The following TMEM44 variants were observed in gnomAD, a reference collection of about 807,000 sequenced individuals.
The protein encoded by TMEM44 is transmembrane protein 44.
In TMEM44, 43 loss-of-function variants were observed where a neutral mutation model predicts 47.8. The observed-to-expected ratio is 0.90, with a 90% CI of 0.70 to 1.16. The LOEUF is 1.16. Among genes scored for constraint, TMEM44 ranks in the 50% most tolerant of loss-of-function variants. The pLI, the probability that TMEM44 is intolerant of heterozygous loss-of-function variation, is 0.00. For missense variants in TMEM44, 568 were observed against 555.2 expected (o/e 1.02, Z -0.23); for synonymous variants, 277 against 238.8 (o/e 1.16, Z -1.48).
chr3:194,594,946 C>T (rs1713225515), intron 9 of TMEM44, among the ~76,000 whole-genome samples: 1 of 152,046 alleles, frequency 6.6e-6, no homozygotes, highest in Non-Finnish European at 1.5e-5. Context: ...TGATAGTGTG[C>T]CTAAGGAGTA....
chr3:194,593,076 G>T, intron 9 of TMEM44: 1 of 1,613,424 alleles, frequency 6.2e-7, no homozygotes. Flanking sequence ...TACTTCTGCT[G>T]CAGAATAAAA....
intron 6 of TMEM44, chr3:194,616,384 T>C: frequency 2.9e-6 from 1 of 339,134 alleles, no homozygotes; most frequent in Non-Finnish European, 5.9e-6. Flanking sequence ...GTAGGGTCCT[T>C]GCTGATACAA....
At chr3:194,630,393 G>A (rs2614757) in intron 1 of TMEM44, among the ~76,000 whole-genome samples, 7 of 112,190 alleles carry the variant, frequency 6.2e-5, no homozygotes, top group Admixed American at 1.0e-4. Context: ...GGCTGTTTCC[G>A]TCGGCATCAC....
At chr3:194,610,872 T>C (rs1056027125) in intron 8 of TMEM44, 44 bp downstream of exon 8, 9 of 1,564,156 alleles carry the variant, frequency 5.8e-6, no homozygotes, top group Non-Finnish European at 7.9e-6. Flanking sequence ...CCATGACTGC[T>C]TCCCATCCTC....
chr3:194,599,153 C>T (rs1706016), intron 9 of TMEM44, among the ~76,000 whole-genome samples: 47,158 of 152,062 alleles, frequency 0.31, 8,962 homozygotes, highest in Non-Finnish European at 0.44. Context: ...AAGGCCCTGA[C>T]ATCAATCTTA....
At position 194,588,055 on chromosome 3, in the gene TMEM44, C is replaced by T. The variant is rs1414218003; in HGVS notation, c.*474G>A. 6.5e-6 allele frequency: 1 copy of T among 154,154 alleles called. No individual in the cohort carries two copies. The highest frequency in any genetic ancestry group is 2.4e-5 in the African/African-American group (1 of 41,486). 9.5% of individuals were successfully genotyped at this position (154,154 alleles called of 1,614,324 possible). A position where few individuals can be genotyped will look rare whatever the true frequency, so the allele number is the denominator to read the frequency against. ...GGGGGGTGGAAGCCAGGTCTCGGTT[C>T]CTGTGTGTGACCCAAGGCCCCCCAG... On this transcript the variant is annotated 3_prime_UTR_variant, in exon 10 of 10. Coordinates refer to ENST00000347147, the MANE Select transcript of TMEM44 (RefSeq NM_001011655.3).
In TMEM44 at chr3:194,621,129, C is replaced by T. The variant is rs533634975; in HGVS notation, c.612+2095G>A. Among the ~76,000 whole-genome samples, 72 of 151,940 alleles carry T rather than the reference C, an allele frequency of 4.7e-4. 2 individuals carry two copies. The South Asian group carries it at 8.5e-3, about 18-fold the overall frequency. ...GTGGATGATCACGTCAAGATGAGGT[C>T]ATTAGGATGAGTCCCATTCCAATGT... On this transcript the variant is annotated intron_variant, in intron 5 of 9. Transcript: ENST00000347147.
chr3:194,600,666 G>A (rs889241944), intron 9 of TMEM44, among the ~76,000 whole-genome samples: 4 of 152,042 alleles, frequency 2.6e-5, no homozygotes, highest in Non-Finnish European at 4.4e-5. Flanking sequence ...CAGGGGAATC[G>A]CTTGAACCTG....
At chr3:194,618,188 C>T (rs1346060838) in intron 5 of TMEM44, among the ~76,000 whole-genome samples, 1 of 152,082 alleles carries the variant, frequency 6.6e-6, no homozygotes, top group African/African-American at 2.4e-5. Context: ...TGACCCAGGT[C>T]ACATGGGGAA....
At chr3:194,605,684 C>G (rs575902641) in intron 8 of TMEM44, among the ~76,000 whole-genome samples, 5 of 152,294 alleles carry the variant, frequency 3.3e-5, no homozygotes, top group Admixed American at 3.3e-4. Flanking sequence ...CGTGGGAATT[C>G]AAGATGAGAT....
intron 9 of TMEM44, among the ~76,000 whole-genome samples, 153 bp downstream of exon 9, chr3:194,604,134 G>A (rs1484165373): frequency 6.6e-6 from 1 of 152,216 alleles, no homozygotes; most frequent in Admixed American, 6.5e-5. Flanking sequence ...AATTACAGGT[G>A]TGAGCCACCG....
chr3:194,605,777 GGAT>G (rs1417031268), intron 8 of TMEM44, among the ~76,000 whole-genome samples: 1 of 152,204 alleles, frequency 6.6e-6, no homozygotes, highest in Non-Finnish European at 1.5e-5. Flanking sequence ...CTATAAAAGG[GGAT>G]GATAATCCCT....
chr3:194,632,141 A>G (rs1717887835), intron 1 of TMEM44, among the ~76,000 whole-genome samples: 1 of 152,220 alleles, frequency 6.6e-6, no homozygotes. Flanking sequence ...TGGGGGTAAC[A>G]GCACCTACCT....
At position 194,615,663 on chromosome 3, in the gene TMEM44, A is replaced by G. The variant is rs750423486; in HGVS notation, c.818T>C (p.Met273Thr). 7.4e-6 allele frequency: 12 copies of G among 1,613,938 alleles called. No individual in the cohort carries two copies. Among genetic ancestry groups the G allele is most frequent in the East Asian group, 2.2e-5 (1 of 44,888 alleles). ...IFLSCVMKSK[M>T]RQALGFAKEA... ...CTTGGCAAATCCTAAGGCCTGTCTC[A>G]TCTTGCTCTTCATCACACACGAAAG... Residue 273 changes from methionine (M) to threonine (T), a missense_variant, in exon 7 of 10, where the codon ATG becomes ACG. Physicochemically the swap from Met to Thr is moderately conservative, Grantham distance 81. Coordinates refer to ENST00000347147, the MANE Select transcript of TMEM44 (RefSeq NM_001011655.3).
At chr3:194,594,643 T>C (rs1046207110) in intron 9 of TMEM44, among the ~76,000 whole-genome samples, 1 of 150,690 alleles carries the variant, frequency 6.6e-6, no homozygotes, top group Non-Finnish European at 1.5e-5. Context: ...AAAAGATTAA[T>C]TGGAAGGGAT....
chr3:194,623,253 C>T lies in TMEM44; in HGVS notation c.583G>A (p.Ala195Thr). 3 of 1,611,624 alleles carry T rather than the reference C, an allele frequency of 1.9e-6. No individual in the cohort carries two copies. The highest frequency in any genetic ancestry group is 2.5e-6 in the Non-Finnish European group (3 of 1,179,088). ...CTGGAGAGAGGGGGGATCCGAGAAG[C>T]CCAGGAGCCAAAGGCAGCAACGCTA... Reference protein sequence around the residue: ...LGSVAAFGSWASRIPPLSRIC... With the variant: ...LGSVAAFGSWTSRIPPLSRIC... Residue 195 changes from alanine to threonine, a missense_variant, in exon 5 of 10, where the codon GCT (alanine) becomes ACT (threonine). By Grantham distance (58) the Ala-to-Thr change is moderately conservative. Coordinates refer to ENST00000347147, the MANE Select transcript of TMEM44 (RefSeq NM_001011655.3).
intron 8 of TMEM44, among the ~76,000 whole-genome samples, chr3:194,610,695 T>A (rs181986834): frequency 4.3e-3 from 654 of 152,322 alleles, no homozygotes; most frequent in Middle Eastern, 0.017. Flanking sequence ...TTTTTTCTTG[T>A]TACTCTGTGT....
At chr3:194,590,013 T>G (rs1712431826) in intron 9 of TMEM44, 1 of 152,234 alleles carries the variant, frequency 6.6e-6, no homozygotes, top group Non-Finnish European at 1.5e-5. Context: ...TGTGTCTGCC[T>G]GGGCAGACGA....
At chr3:194,625,357 C>T (rs1322646930) in intron 3 of TMEM44, among the ~76,000 whole-genome samples, 3 of 152,136 alleles carry the variant, frequency 2.0e-5, no homozygotes, top group African/African-American at 7.2e-5. Context: ...GCAGCCCTTC[C>T]CTCCCTCTGG....
Sources: gnomAD v4.1 joint callset for allele counts (sites outside exome capture counted in the v4.1 genomes callset) on GRCh38, gnomAD v4.1.1 for gene constraint, MANE v1.5 for transcripts, NCBI Gene and HGNC (gene_info 2026-07-23, HGNC 2026-07-21) for gene names.